Variants in FOXP1 observed in about 807,000 individuals in gnomAD.
FOXP1 encodes the protein forkhead box P1.
Under a neutral mutation model 98.2 loss-of-function variants are expected in FOXP1, and 15 were observed. The ratio of observed to expected loss-of-function variants is 0.15; its 90% CI spans 0.10 to 0.24. The LOEUF (loss-of-function observed/expected upper bound fraction) is 0.24, where lower values mean the gene tolerates loss of function less well. Ranked by LOEUF, FOXP1 falls within the 10% of genes least tolerant of loss-of-function variation. FOXP1 has a pLI of 1.00. For synonymous variants in FOXP1, 371 were observed against 314.5 expected (o/e 1.18, Z -1.90); for missense variants, 633 against 848.5 (o/e 0.75, Z 3.15).
intron 9 of FOXP1, 41 bp downstream of exon 9, chr3:71,052,496 T>C (rs1293723975): frequency 1.1e-6 from 1 of 887,016 alleles, no homozygotes; most frequent in Non-Finnish European, 1.9e-6. Flanking sequence ...GATAGTCCTC[T>C]GGGATCTGTG....
rs73838115 is a variant in FOXP1 at position 70,967,786 on chromosome 3, T to G, written c.1723-1730A>C. Among the ~76,000 whole-genome samples, 1,175 of 142,714 alleles carry G rather than the reference T, an allele frequency of 8.2e-3. 20 individuals are homozygous for G. The highest frequency in any genetic ancestry group is 0.029 in the African/African-American group (1,127 of 38,914). The allele number at this position is 142,714 out of a possible 152,430, so 93.6% of individuals were successfully genotyped here. On this transcript the variant is annotated intron_variant, in intron 19 of 20. Coordinates refer to ENST00000649528, the MANE Select transcript of FOXP1 (RefSeq NM_001349338.3). ...TTTTATCTGAGAGAGGTGTGACCAC[T>G]GTTGTCTCAGTCACAGAAATTCTGC...
In FOXP1 at chr3:71,354,668, C is replaced by A. The variant is rs1226199086; in HGVS notation, c.-73+4482G>T. Among the ~76,000 whole-genome samples the A allele has an allele frequency of 3.3e-5, 5 of 152,314 alleles. No homozygotes were observed. In the East Asian group the frequency reaches 9.6e-4, roughly 29 times the overall value. ...TCAAGGTTCTTTGCCATCTTTGCCA[C>A]CTCTAAAATGAACATCAGAAGAAAG... On this transcript the variant is annotated intron_variant, in intron 4 of 20. Transcript: ENST00000649528.
chr3:71,306,097 C>T (rs565468767), intron 4 of FOXP1: 2 of 152,098 alleles, frequency 1.3e-5, no homozygotes, highest in African/African-American at 4.8e-5. Flanking sequence ...AGGAAGAGGC[C>T]CCTTTGCATA....
intron 6 of FOXP1, among the ~76,000 whole-genome samples, chr3:71,133,178 G>A (rs941313998): frequency 1.3e-5 from 2 of 152,178 alleles, no homozygotes; most frequent in African/African-American, 4.8e-5. Flanking sequence ...CCACTGCTGT[G>A]ATGCAAGCAG....
intron 12 of FOXP1, among the ~76,000 whole-genome samples, chr3:71,012,584 T>A (rs1376208605): frequency 6.6e-6 from 1 of 152,216 alleles, no homozygotes; most frequent in African/African-American, 2.4e-5. Flanking sequence ...TGAAATAGAT[T>A]CACAGGCTTC....
At chr3:71,227,388 T>G (rs923337150) in intron 5 of FOXP1, among the ~76,000 whole-genome samples, 1 of 152,080 alleles carries the variant, frequency 6.6e-6, no homozygotes, top group Non-Finnish European at 1.5e-5. Context: ...CAAAACAAAT[T>G]GAAAACACTC....
chr3:71,434,664 G>GTGTC (rs1454271569), intron 3 of FOXP1, among the ~76,000 whole-genome samples: 3 of 151,482 alleles, frequency 2.0e-5, no homozygotes, highest in Non-Finnish European at 4.4e-5. Context: ...GTGTGTGTGT[G>GTGTC]TAAGGAAGGG....
chr3:71,550,414 T>C (rs1229575858), intron 2 of FOXP1, among the ~76,000 whole-genome samples: 1 of 152,246 alleles, frequency 6.6e-6, no homozygotes, highest in Non-Finnish European at 1.5e-5. Flanking sequence ...ACAGGAGTTC[T>C]TATCTCACTG....
intron 2 of FOXP1, among the ~76,000 whole-genome samples, chr3:71,523,097 T>A (rs1197638484): frequency 6.6e-6 from 1 of 151,892 alleles, no homozygotes; most frequent in Non-Finnish European, 1.5e-5. Flanking sequence ...AAAGGGGAAA[T>A]TGGGACATAG....
chr3:71,405,310 T>A (rs949388074), intron 3 of FOXP1, among the ~76,000 whole-genome samples: 27 of 152,180 alleles, frequency 1.8e-4, no homozygotes, highest in African/African-American at 6.5e-4. Flanking sequence ...GTAAGGTGTA[T>A]AAGTTAGCCA....
At chr3:70,972,797 A>AC in intron 17 of FOXP1, 121 bp from the exon 18 acceptor site, 1 of 952,972 alleles carries the variant, frequency 1.0e-6, no homozygotes, top group Non-Finnish European at 1.6e-6. Context: ...TGTAGCTACC[A>AC]CCCCCGTGGA....
intron 4 of FOXP1, among the ~76,000 whole-genome samples, chr3:71,341,802 C>T (rs2077023497): frequency 6.6e-6 from 1 of 152,226 alleles, no homozygotes; most frequent in South Asian, 2.1e-4. Flanking sequence ...CTTGACTCTC[C>T]AGTCGTAAGA....
At chr3:71,377,617 T>C (rs1338436490) in intron 3 of FOXP1, among the ~76,000 whole-genome samples, 1 of 152,222 alleles carries the variant, frequency 6.6e-6, no homozygotes, top group African/African-American at 2.4e-5. Flanking sequence ...TTTTCCCAAC[T>C]TGGGTAATTA....
At chr3:71,266,401 C>T (rs996897957) in intron 5 of FOXP1, among the ~76,000 whole-genome samples, 15 of 151,900 alleles carry the variant, frequency 9.9e-5, no homozygotes, top group Admixed American at 5.9e-4. Context: ...AGGTGCCCGC[C>T]ACCATGCATG....
At chr3:71,102,747 G>C (rs1228577742) in intron 7 of FOXP1, among the ~76,000 whole-genome samples, 1 of 152,214 alleles carries the variant, frequency 6.6e-6, no homozygotes. Flanking sequence ...CAGCAACTCT[G>C]ATTCCATTCC....
At chr3:71,522,345 T>C (rs1385872022) in intron 2 of FOXP1, among the ~76,000 whole-genome samples, 1 of 152,178 alleles carries the variant, frequency 6.6e-6, no homozygotes, top group Non-Finnish European at 1.5e-5. Flanking sequence ...AGACAGGAAA[T>C]ACCACCAGAT....
At chr3:71,195,046 C>T (rs1341686210) in intron 6 of FOXP1, among the ~76,000 whole-genome samples, 1 of 152,184 alleles carries the variant, frequency 6.6e-6, no homozygotes, top group African/African-American at 2.4e-5. Context: ...GGCTGGAGGG[C>T]TCCCTGTCTT....
At chr3:70,979,113 C>CACAT (rs1441868390) in intron 14 of FOXP1, among the ~76,000 whole-genome samples, 5 of 150,606 alleles carry the variant, frequency 3.3e-5, no homozygotes, top group Non-Finnish European at 7.4e-5. Flanking sequence ...TTAACGCACA[C>CACAT]ACATACACAC....
At chr3:71,569,040 G>A (rs1244814643) in intron 2 of FOXP1, among the ~76,000 whole-genome samples, 1 of 152,186 alleles carries the variant, frequency 6.6e-6, no homozygotes, top group Non-Finnish European at 1.5e-5. Context: ...CACTCTATGA[G>A]ACCTGGTTGT....
Sources: allele counts gnomAD v4.1 joint callset (sites outside exome capture counted in the v4.1 genomes callset), GRCh38; gene constraint gnomAD v4.1.1; transcripts MANE v1.5; gene names NCBI Gene and HGNC (gene_info 2026-07-23, HGNC 2026-07-21).